The following MPP7 variants were observed in gnomAD, a reference collection of about 807,000 sequenced individuals.
MPP7 encodes the protein MAGUK p55 scaffold protein 7, also known as MAGUK p55 subfamily member 7.
Under a neutral mutation model 76.5 loss-of-function variants are expected in MPP7, and 60 were observed. The observed-to-expected ratio is 0.78, with a 90% confidence interval of 0.64 to 0.97. The LOEUF is 0.97. MPP7 is among the 50% of genes least tolerant of loss of function. The pLI is 0.00. For missense variants in MPP7, 641 were observed against 694.0 expected (o/e 0.92, Z 0.86); for synonymous variants, 237 against 244.5 (o/e 0.97, Z 0.29).
intron 13 of MPP7, among the ~76,000 whole-genome samples, chr10:28,068,639 T>C (rs540464584): frequency 8.5e-5 from 13 of 152,312 alleles, no homozygotes; most frequent in Admixed American, 7.8e-4. Flanking sequence ...ATTTAAACTA[T>C]ATAGCCATGA....
chr10:28,054,065 T>C lies in MPP7; in HGVS notation c.1731A>G (p.Ter577=), dbSNP rs1408276385. 5.0e-6 allele frequency: 8 copies of C among 1,609,992 alleles called. No individual in the cohort carries two copies. The highest frequency in any genetic ancestry group is 6.8e-6 in the Non-Finnish European group (8 of 1,178,044). The change falls in exon 17 of 17, where the codon TAA becomes TAG. Residue 577 remains the stop codon, a stop_retained_variant. Transcript: ENST00000683449. The part of the protein sequence containing the change: ...HWVPVSWLHS[*] ...AGACAATTATGGAAATTTCTCTTAG[T>C]TATGAATGTAACCAGCTCACTGGCA...
chr10:28,265,489 G>A (rs149595273), intron 1 of MPP7, among the ~76,000 whole-genome samples: 4 of 152,000 alleles, frequency 2.6e-5, no homozygotes, highest in African/African-American at 9.7e-5. Context: ...AGTCCAGGGG[G>A]TCAAGAATGC....
intron 2 of MPP7, among the ~76,000 whole-genome samples, chr10:28,233,964 G>C (rs961660229): frequency 1.3e-5 from 2 of 151,332 alleles, no homozygotes; most frequent in African/African-American, 2.4e-5. Flanking sequence ...GAAGAGAGAG[G>C]AAGGAGGAGA....
chr10:28,311,169 T>C (rs572853624), intron 2 of MPP7, among the ~76,000 whole-genome samples: 1 of 152,342 alleles, frequency 6.6e-6, no homozygotes, highest in South Asian at 2.1e-4. Context: ...ATCTAAAGTA[T>C]TAGCAGTGAC....
chr10:28,151,121 G>T lies in MPP7; in HGVS notation c.157-1062C>A, dbSNP rs185231660. On this transcript the variant is annotated intron_variant, in intron 3 of 16. Coordinates refer to ENST00000683449, the MANE Select transcript of MPP7 (RefSeq NM_001318170.2). ...TACTCAAAGCTAACCAAACTCCATTGTAAAAGTCTGGAAGATAAATTTTAT... is the reference window on the plus strand; with the variant it reads ...TACTCAAAGCTAACCAAACTCCATTTTAAAAGTCTGGAAGATAAATTTTAT... 2.8e-3 allele frequency among the ~76,000 whole-genome samples: 425 copies of T among 152,250 alleles called. 1 individual carries two copies. The highest frequency in any genetic ancestry group is 3.6e-3 in the Non-Finnish European group (244 of 68,016).
At chr10:28,080,309 AATAAAATC>A (rs1852699701) in intron 12 of MPP7, among the ~76,000 whole-genome samples, 1 of 152,140 alleles carries the variant, frequency 6.6e-6, no homozygotes, top group African/African-American at 2.4e-5. Context: ...AAGAGGTCAA[AATAAAATC>A]ATCCCTGAGT....
intron 3 of MPP7, among the ~76,000 whole-genome samples, chr10:28,163,669 C>T (rs1836341648): frequency 6.6e-6 from 1 of 152,040 alleles, no homozygotes. Context: ...ATATTTTGGC[C>T]AGGCACAATG....
chr10:28,222,768 C>A (rs1317382689), intron 2 of MPP7, among the ~76,000 whole-genome samples: 1 of 148,428 alleles, frequency 6.7e-6, no homozygotes, highest in Non-Finnish European at 1.5e-5. Context: ...AGGAGAATGG[C>A]ATGAACCCAG....
chr10:28,266,585 G>GA (rs573085072), intron 1 of MPP7, among the ~76,000 whole-genome samples: 3 of 151,662 alleles, frequency 2.0e-5, no homozygotes, highest in Non-Finnish European at 4.4e-5. Context: ...AAAGAAAAAA[G>GA]AAAAAAAAGT....
chr10:28,099,602 C>T (rs1853721131), intron 11 of MPP7, among the ~76,000 whole-genome samples: 2 of 152,016 alleles, frequency 1.3e-5, no homozygotes, highest in South Asian at 2.1e-4. Flanking sequence ...GTCGGGAGTT[C>T]GAGGCTAGCC....
At chr10:28,071,482 T>G (rs1006805867) in intron 12 of MPP7, among the ~76,000 whole-genome samples, 1 of 152,170 alleles carries the variant, frequency 6.6e-6, no homozygotes, top group African/African-American at 2.4e-5. Flanking sequence ...CTCTGGCAAC[T>G]TTCCCTTTTC....
chr10:28,076,375 A>T (rs1852483576), intron 12 of MPP7, among the ~76,000 whole-genome samples: 1 of 152,232 alleles, frequency 6.6e-6, no homozygotes, highest in Non-Finnish European at 1.5e-5. Flanking sequence ...AGGGGCTTAC[A>T]TATTTACCTA....
intron 3 of MPP7, among the ~76,000 whole-genome samples, chr10:28,173,596 C>A (rs1279323014): frequency 6.6e-6 from 1 of 152,192 alleles, no homozygotes; most frequent in Non-Finnish European, 1.5e-5. Flanking sequence ...CTTGTACAGT[C>A]TGCAGAACTG....
intron 3 of MPP7, among the ~76,000 whole-genome samples, chr10:28,177,232 T>A (rs928301196): frequency 8.9e-6 from 1 of 112,486 alleles, no homozygotes. Flanking sequence ...CTGGCCAACA[T>A]AGTGAAACCC....
chr10:28,291,331 T>C (rs935542837), intron 1 of MPP7, among the ~76,000 whole-genome samples: 1 of 152,062 alleles, frequency 6.6e-6, no homozygotes, highest in Admixed American at 6.6e-5. Context: ...ATTGGCAGGG[T>C]ACGGTGGCTC....
At chr10:28,191,233 T>A (rs1837402229) in intron 3 of MPP7, among the ~76,000 whole-genome samples, 2 of 152,100 alleles carry the variant, frequency 1.3e-5, no homozygotes, top group African/African-American at 2.4e-5. Flanking sequence ...TTCTCTGCAA[T>A]CTCTTCCAGA....
intron 2 of MPP7, among the ~76,000 whole-genome samples, chr10:28,234,586 T>C (rs1564722060): frequency 6.6e-6 from 1 of 152,120 alleles, no homozygotes; most frequent in Non-Finnish European, 1.5e-5. Flanking sequence ...CAGTTATAAA[T>C]CGAGTTGACA....
intron 11 of MPP7, among the ~76,000 whole-genome samples, chr10:28,105,266 T>C (rs983928723): frequency 2.0e-5 from 3 of 149,860 alleles, no homozygotes; most frequent in Non-Finnish European, 4.4e-5. Context: ...CATCAGCCCT[T>C]GAAGAAACAT....
intron 2 of MPP7, among the ~76,000 whole-genome samples, chr10:28,208,492 G>A (rs1385482900): frequency 5.3e-5 from 8 of 152,198 alleles, no homozygotes; most frequent in African/African-American, 1.9e-4. Context: ...AAGACTCACT[G>A]GGAGTCTGCC....
Sources: gnomAD v4.1 joint callset for allele counts (sites outside exome capture counted in the v4.1 genomes callset) on GRCh38, gnomAD v4.1.1 for gene constraint, MANE v1.5 for transcripts, NCBI Gene and HGNC (gene_info 2026-07-23, HGNC 2026-07-21) for gene names.